The following COPG1 variants were observed in gnomAD, a reference collection of about 807,000 sequenced individuals.
COPG1 encodes coat protein complex I subunit gamma 1, also known as coatomer subunit gamma-1.
In COPG1, 29 loss-of-function variants were observed where a neutral mutation model predicts 102.8. The observed-to-expected ratio is 0.28, with a 90% CI of 0.21 to 0.38. COPG1 has a LOEUF of 0.38. Ranked by LOEUF, COPG1 falls within the 10% of genes least tolerant of loss-of-function variation. The pLI is 1.00. For synonymous variants in COPG1, 406 were observed against 421.6 expected (o/e 0.96, Z 0.45); for missense variants, 875 against 1,132.7 (o/e 0.77, Z 3.27).
chr3:129,250,567 A>C (rs551363325), intron 1 of COPG1, 115 bp from the exon 2 acceptor site: 9 of 795,216 alleles, frequency 1.1e-5, no homozygotes, highest in African/African-American at 1.0e-4. Flanking sequence ...GCCATTCCTG[A>C]GGAGTTTGAA....
intron 2 of COPG1, among the ~76,000 whole-genome samples, chr3:129,251,239 T>A (rs1221872295): frequency 2.0e-5 from 3 of 151,334 alleles, no homozygotes; most frequent in Admixed American, 6.6e-5. Flanking sequence ...TTTAAACATT[T>A]AAAAAATTTC....
chr3:129,257,402 CA>C, intron 8 of COPG1, 67 bp from the exon 9 acceptor site: 1 of 1,566,718 alleles, frequency 6.4e-7, no homozygotes, highest in African/African-American at 1.4e-5. Context: ...AGGACCCACC[CA>C]GGGCCACACA....
At chr3:129,272,123 A>C in intron 19 of COPG1, 121 bp from the exon 20 acceptor site, 1 of 1,076,820 alleles carries the variant, frequency 9.3e-7, no homozygotes, top group East Asian at 2.4e-5. Context: ...AACCTGGGGC[A>C]GGGGGACTGG....
At chr3:129,260,294 G>C (rs373912605) in intron 10 of COPG1, 39 bp from the exon 11 acceptor site, 1 of 1,601,110 alleles carries the variant, frequency 6.2e-7, no homozygotes, top group South Asian at 1.1e-5. Flanking sequence ...CTGCCCAGCA[G>C]TGAAGGCAAC....
chr3:129,269,097 C>G (rs1381502982), intron 18 of COPG1, 97 bp downstream of exon 18: 17 of 1,089,240 alleles, frequency 1.6e-5, no homozygotes. Context: ...CTCCTGAGTG[C>G]TAGGCCCTTG....
chr3:129,275,372 T>A lies in COPG1; in HGVS notation c.2494+80T>A. On this transcript the variant is annotated intron_variant, in intron 23 of 23. Transcript: ENST00000314797. The surrounding 1 kb of genome is among the most constrained non-coding windows in gnomAD (Gnocchi z 5.0). ...CTGGATCCTGGGCTAAGGACTCCAC[T>A]GTAAATATGGGGAGTCAAAATTCAC... 1 of 1,011,884 alleles carries A rather than the reference T, an allele frequency of 9.9e-7. No individual in the cohort carries two copies. Among genetic ancestry groups the A allele is most frequent in the Non-Finnish European group, 1.5e-6 (1 of 656,424 alleles). 62.7% of individuals were successfully genotyped at this position (1,011,884 alleles called of 1,614,324 possible).
intron 1 of COPG1, 45 bp downstream of exon 1, chr3:129,249,791 C>A: frequency 6.5e-7 from 1 of 1,534,518 alleles, no homozygotes; most frequent in South Asian, 1.2e-5. Flanking sequence ...GACCCCCACC[C>A]GCCGAGCTTT....
At chr3:129,268,238 A>T (rs930060619) in intron 16 of COPG1, among the ~76,000 whole-genome samples, 198 bp downstream of exon 16, 1 of 152,188 alleles carries the variant, frequency 6.6e-6, no homozygotes, top group Non-Finnish European at 1.5e-5. Context: ...CAGTGAATTG[A>T]AACGCTCATC....
intron 10 of COPG1, among the ~76,000 whole-genome samples, chr3:129,259,363 A>AG (rs1484014249): frequency 6.6e-6 from 1 of 150,456 alleles, no homozygotes; most frequent in Non-Finnish European, 1.5e-5. Flanking sequence ...CATGAGGCTG[A>AG]GGCAGGAGAA....
At position 129,265,741 on chromosome 3, in the gene COPG1, A is replaced by G. The variant is rs376680041; in HGVS notation, c.1417A>G (p.Ile473Val). The G allele has an allele frequency of 6.2e-7, 1 of 1,613,944 alleles. No homozygotes were observed. Among genetic ancestry groups the G allele is most frequent in the African/African-American group, 1.3e-5 (1 of 74,912 alleles). ...GPKTTNPSKY[I>V]RFIYNRVVLE... is the part of the protein sequence containing the mutation. ...CAAGACCACCAATCCCTCAAAGTAC[A>G]TCCGCTTCATCTATAACCGAGTGGT... The change falls in exon 14 of 24, where the codon ATC (isoleucine) becomes GTC (valine). Residue 473 changes from isoleucine to valine, a missense_variant. By Grantham distance (29) the Ile-to-Val change is conservative. Coordinates refer to ENST00000314797, the MANE Select transcript of COPG1 (RefSeq NM_016128.4).
intron 18 of COPG1, 122 bp downstream of exon 18, chr3:129,269,122 T>G (rs947646348): frequency 1.2e-6 from 1 of 801,704 alleles, no homozygotes; most frequent in African/African-American, 1.7e-5. Flanking sequence ...GCTTTAGACC[T>G]ACTATCACAT....
At chr3:129,268,095 C>T in intron 16 of COPG1, 55 bp downstream of exon 16, 2 of 1,433,794 alleles carry the variant, frequency 1.4e-6, no homozygotes, top group African/African-American at 2.8e-5. Context: ...CTGTGGTTCT[C>T]ATCACTCCCT....
Position 129,271,745 on chromosome 3 carries a change from G to C in COPG1, c.1844-22G>C, listed in dbSNP as rs1344664217. 3.1e-6 allele frequency: 5 copies of C among 1,613,066 alleles called. No homozygotes were observed. The African/African-American group carries it at 5.3e-5, about 17-fold the overall frequency. On this transcript the variant is annotated intron_variant, in intron 18 of 23. Coordinates refer to ENST00000314797, the MANE Select transcript of COPG1 (RefSeq NM_016128.4). This position sits in a 1 kb window ranked among gnomAD's most constrained non-coding sequence, Gnocchi z 4.7. ...TGGTCTGGGGATCGAGAAGCTGAGT[G>C]AATGTGGCCTGTGGATTTCAGAGCA...
chr3:129,277,247 A>G (rs577289892), intron 23 of COPG1, 47 bp from the exon 24 acceptor site: 28 of 1,608,324 alleles, frequency 1.7e-5, no homozygotes, highest in Non-Finnish European at 2.4e-5. Context: ...CCTGCCCTGT[A>G]CAGTCCCTTC....
intron 7 of COPG1, among the ~76,000 whole-genome samples, chr3:129,255,350 T>C (rs2107673536): frequency 6.6e-6 from 1 of 152,130 alleles, no homozygotes; most frequent in South Asian, 2.1e-4. Context: ...AGCTAATTTT[T>C]GTGTTTTTAG....
chr3:129,271,221 T>C lies in COPG1; in HGVS notation c.1844-546T>C, dbSNP rs1365037210. On this transcript the variant is annotated intron_variant, in intron 18 of 23. Transcript: ENST00000314797. This position sits in a 1 kb window ranked among gnomAD's most constrained non-coding sequence, Gnocchi z 4.7. ...TGAATCCAGTGCTTGAACCTGGGCA[T>C]AGGGTGTAGGGATAGGTCTTACCAG... Among the ~76,000 whole-genome samples the C allele has an allele frequency of 6.6e-6, 1 of 152,204 alleles. No individual in the cohort carries two copies. The highest frequency in any genetic ancestry group is 1.5e-5 in the Non-Finnish European group (1 of 68,032).
At chr3:129,273,086 G>A (rs1019233165) in intron 21 of COPG1, among the ~76,000 whole-genome samples, 182 bp downstream of exon 21, 1 of 152,036 alleles carries the variant, frequency 6.6e-6, no homozygotes. Flanking sequence ...GCAGTGGCGC[G>A]ATCTCGGCTC....
chr3:129,277,257 C>G, intron 23 of COPG1, 37 bp from the exon 24 acceptor site: 1 of 1,611,392 alleles, frequency 6.2e-7, no homozygotes, highest in Non-Finnish European at 8.5e-7. Flanking sequence ...ACAGTCCCTT[C>G]TGCTGTATAT....
rs750467801 is a variant in COPG1 at position 129,265,500 on chromosome 3, C to A, written c.1225-49C>A. On this transcript the variant is annotated intron_variant, in intron 13 of 23. Coordinates refer to ENST00000314797, the MANE Select transcript of COPG1 (RefSeq NM_016128.4). The stretch of plus-strand genomic sequence containing the variant: ...CTTGGTCCAGCTCAGGTCTTCAACT[C>A]TTTTCTGGAGAGAGCAGGCTCCTTG... The A allele has an allele frequency of 1.9e-5, 31 of 1,598,384 alleles. No individual in the cohort carries two copies. The Admixed American group carries it at 2.2e-4, about 11-fold the overall frequency.
Sources: gnomAD v4.1 joint callset for allele counts (sites outside exome capture counted in the v4.1 genomes callset) on GRCh38, gnomAD v4.1.1 for gene constraint, Gnocchi (gnomAD v3.1) non-coding constraint, MANE v1.5 for transcripts, NCBI Gene and HGNC (gene_info 2026-07-23, HGNC 2026-07-21) for gene names.